The following AP3S2 variants were observed in gnomAD, a reference collection of about 807,000 sequenced individuals.
AP3S2 encodes the protein AP-3 complex subunit sigma-2.
In AP3S2, 22 loss-of-function variants were observed where a neutral mutation model predicts 23.4. That is an observed-to-expected ratio of 0.94 (90% CI 0.67 to 1.34). The LOEUF (loss-of-function observed/expected upper bound fraction) is 1.34, where lower values mean the gene tolerates loss of function less well. AP3S2 is among the 40% of genes most tolerant of loss of function. The pLI, the probability that AP3S2 is intolerant of heterozygous loss-of-function variation, is 0.00. For missense variants in AP3S2, 241 were observed against 236.9 expected (o/e 1.02, Z -0.11); for synonymous variants, 86 against 87.1 (o/e 0.99, Z 0.07).
At chr15:89,872,970 C>T (rs2141883340) in intron 3 of AP3S2, among the ~76,000 whole-genome samples, 1 of 152,320 alleles carries the variant, frequency 6.6e-6, no homozygotes, top group South Asian at 2.1e-4. Context: ...AGGAATTCTA[C>T]TCCCAGATAA....
intron 3 of AP3S2, among the ~76,000 whole-genome samples, chr15:89,882,926 G>A (rs765177504): frequency 6.6e-6 from 1 of 152,112 alleles, no homozygotes; most frequent in Non-Finnish European, 1.5e-5. Context: ...ATTATACTTG[G>A]TTTTCCATTT....
In AP3S2 at chr15:89,856,743, C is replaced by T. The variant is rs144384489; in HGVS notation, c.345+14732G>A. ...AAAATATTCGCTGGGCGTGGTGGTG[C>T]GCACCTGTAGTCCCAGCTACTCAGG... On this transcript the variant is annotated intron_variant, in intron 4 of 5. Coordinates refer to ENST00000336418, the MANE Select transcript of AP3S2 (RefSeq NM_005829.5). Among the ~76,000 whole-genome samples the T allele has an allele frequency of 5.9e-3, 871 of 147,980 alleles. 17 individuals carry two copies. Among genetic ancestry groups the T allele is most frequent in the African/African-American group, 0.021 (815 of 39,226 alleles).
intron 3 of AP3S2, among the ~76,000 whole-genome samples, chr15:89,883,741 C>G (rs1245062031): frequency 6.6e-6 from 1 of 152,134 alleles, no homozygotes; most frequent in African/African-American, 2.4e-5. Flanking sequence ...AACATTGGCT[C>G]TGGTTCTTGG....
intron 4 of AP3S2, among the ~76,000 whole-genome samples, chr15:89,855,945 TAA>T (rs34784306): frequency 0.17 from 19,432 of 111,898 alleles, 1,238 homozygotes; most frequent in South Asian, 0.23. Context: ...ATATGTCCTT[TAA>T]AAAAAAAAAA....
At chr15:89,891,419 G>T (rs1190947966) in intron 1 of AP3S2, among the ~76,000 whole-genome samples, 1 of 152,184 alleles carries the variant, frequency 6.6e-6, no homozygotes, top group Non-Finnish European at 1.5e-5. Flanking sequence ...TGCACTTTGG[G>T]AGGCCAAGAC....
At chr15:89,837,919 C>T in intron 4 of AP3S2, 197 bp from the exon 5 acceptor site, 2 of 537,486 alleles carry the variant, frequency 3.7e-6, no homozygotes, top group Non-Finnish European at 6.6e-6. Flanking sequence ...ACACGAATCT[C>T]TCCCCTCAGC....
At chr15:89,883,056 A>G (rs1277259657) in intron 3 of AP3S2, among the ~76,000 whole-genome samples, 2 of 152,134 alleles carry the variant, frequency 1.3e-5, no homozygotes, top group African/African-American at 4.8e-5. Context: ...AAGATTTTAT[A>G]ATTTTATTGG....
At chr15:89,892,306 T>C (rs1307263860) in intron 1 of AP3S2, among the ~76,000 whole-genome samples, 2 of 152,140 alleles carry the variant, frequency 1.3e-5, no homozygotes, top group Non-Finnish European at 2.9e-5. Context: ...GAAAATGATC[T>C]AAAATTGATT....
At chr15:89,889,302 T>C (rs1299358093) in intron 1 of AP3S2, 162 bp from the exon 2 acceptor site, 2 of 708,616 alleles carry the variant, frequency 2.8e-6, no homozygotes, top group Admixed American at 5.4e-5. Flanking sequence ...TAGGAGTGAA[T>C]CTATGAAAGA....
intron 5 of AP3S2, among the ~76,000 whole-genome samples, chr15:89,835,985 G>A (rs1200288657): frequency 1.3e-5 from 2 of 152,056 alleles, no homozygotes; most frequent in Non-Finnish European, 2.9e-5. Context: ...CTGAGATCAC[G>A]CCACTGCACT....
At chr15:89,858,523 GAGAA>G (rs58144640) in intron 4 of AP3S2, among the ~76,000 whole-genome samples, 1,311 of 52,836 alleles carry the variant, frequency 0.025, 11 homozygotes, top group Middle Eastern at 0.062. Flanking sequence ...GAGAGAGAGA[GAGAA>G]AGAAAGAAAG....
At position 89,886,881 on chromosome 15, in the gene AP3S2, G is replaced by A. The variant is rs187759245; in HGVS notation, c.273+1640C>T. 4.6e-5 allele frequency among the ~76,000 whole-genome samples: 7 copies of A among 152,088 alleles called. No homozygotes were observed. The East Asian group carries it at 5.8e-4, about 13-fold the overall frequency. On this transcript the variant is annotated intron_variant, in intron 3 of 5. Transcript: ENST00000336418. ...ACAATCTTGGCTCACTGCAACCTCC[G>A]CCTCCTGGGTTCATGCGATTCTCCC...
At position 89,870,592 on chromosome 15, in the gene AP3S2, AAAC is replaced by A. The variant is rs550768642; in HGVS notation, c.345+880_345+882del. Reference sequence around the variant, plus strand: ...AACTAAGACTGAAGACCCTATTGAAAAACAACAAGAAAGTCCTTTAGACAGCAA... The same window carrying A: ...AACTAAGACTGAAGACCCTATTGAAAAACAAGAAAGTCCTTTAGACAGCAA... On this transcript the variant is annotated intron_variant, in intron 4 of 5. Transcript: ENST00000336418. Among the ~76,000 whole-genome samples the A allele has an allele frequency of 3.3e-5, 5 of 152,300 alleles. No individual in the cohort carries two copies. The South Asian group carries it at 8.3e-4, about 25-fold the overall frequency.
chr15:89,888,522 T>C lies in AP3S2; in HGVS notation c.272A>G (p.Gln91Arg). The C allele has an allele frequency of 6.2e-7, 1 of 1,614,066 alleles. No individual in the cohort carries two copies. ...ESELGILDLI[Q>R]VFVETLDKCF... is the part of the protein sequence containing the mutation. Reference sequence around the variant, plus strand: ...CCATCATTAGCTGACTACACATACCTGGATGAGGTCCAAGATTCCAAGTTC... The same window carrying C: ...CCATCATTAGCTGACTACACATACCCGGATGAGGTCCAAGATTCCAAGTTC... Residue 91 changes from glutamine to arginine, a missense_variant and splice_region_variant, in exon 3 of 6, where the codon CAG (glutamine) becomes CGG (arginine). Gln to Arg is a conservative substitution (Grantham distance 43). Transcript: ENST00000336418.
rs546382139 is a variant in AP3S2 at position 89,875,575 on chromosome 15, C to T, written c.274-4029G>A. ...AGGCAAGAAGACAGGAATCCTACAA[C>T]AAATCCTCTAAGAAATACACTTCTG... On this transcript the variant is annotated intron_variant, in intron 3 of 5. Transcript: ENST00000336418. Among the ~76,000 whole-genome samples, 3 of 149,960 alleles carry T rather than the reference C, an allele frequency of 2.0e-5. No individual in the cohort carries two copies. The South Asian group carries it at 6.3e-4, about 32-fold the overall frequency.
intron 4 of AP3S2, among the ~76,000 whole-genome samples, chr15:89,868,265 C>T (rs1207935907): frequency 1.9e-4 from 11 of 56,784 alleles, no homozygotes; most frequent in African/African-American, 6.5e-4. Flanking sequence ...AGGTGAGGGG[C>T]GCCTCTGCCC....
intron 4 of AP3S2, among the ~76,000 whole-genome samples, chr15:89,863,268 A>G (rs1330688958): frequency 6.6e-6 from 1 of 152,222 alleles, no homozygotes; most frequent in Non-Finnish European, 1.5e-5. Flanking sequence ...AGTAGAATTA[A>G]AGACTGGGCG....
intron 4 of AP3S2, among the ~76,000 whole-genome samples, chr15:89,867,895 GCAGCCAC>G (rs1224813222): frequency 7.7e-6 from 1 of 130,472 alleles, no homozygotes; most frequent in Non-Finnish European, 1.7e-5. Flanking sequence ...GCTCCGCCCG[GCAGCCAC>G]CCCGTCCGGG....
intron 3 of AP3S2, chr15:89,877,354 T>C (rs1353885422): frequency 7.7e-7 from 1 of 1,298,492 alleles, no homozygotes; most frequent in East Asian, 5.3e-5. Flanking sequence ...GTCAGGTCCT[T>C]GTTCCCAAAG....
Sources: gnomAD v4.1 joint callset for allele counts (sites outside exome capture counted in the v4.1 genomes callset) on GRCh38, gnomAD v4.1.1 for gene constraint, MANE v1.5 for transcripts, NCBI Gene and HGNC (gene_info 2026-07-23, HGNC 2026-07-21) for gene names.